The following CEP85L variants were observed in gnomAD, a reference collection of about 807,000 sequenced individuals.
The protein encoded by CEP85L is centrosomal protein 85L, also known as centrosomal protein of 85 kDa-like.
In CEP85L, 60 loss-of-function variants were observed where a neutral mutation model predicts 100.3. The observed-to-expected ratio is 0.60, with a 90% confidence interval of 0.49 to 0.74. The LOEUF (loss-of-function observed/expected upper bound fraction) is 0.74. CEP85L is among the 30% of genes least tolerant of loss of function. The pLI is 0.00. For synonymous variants in CEP85L, 319 were observed against 322.7 expected (o/e 0.99, Z 0.12); for missense variants, 973 against 936.2 (o/e 1.04, Z -0.51).
chr6:118,557,689 A>AT (rs1208944277), intron 3 of CEP85L, among the ~76,000 whole-genome samples: 1 of 152,170 alleles, frequency 6.6e-6, no homozygotes, highest in Non-Finnish European at 1.5e-5. Context: ...CCAAACCAGA[A>AT]TAAGAGGGTT....
chr6:118,694,655 C>T (rs1159883295), intron 1 of CEP85L, among the ~76,000 whole-genome samples: 1 of 152,146 alleles, frequency 6.6e-6, no homozygotes, highest in African/African-American at 2.4e-5. Context: ...AAGCAAGCAG[C>T]ATCACATCAT....
intron 3 of CEP85L, among the ~76,000 whole-genome samples, chr6:118,542,923 A>AAAAAAAAAAAAAAAAAAAAC (rs1554216838): frequency 4.9e-5 from 7 of 143,930 alleles, no homozygotes; most frequent in Non-Finnish European, 1.1e-4. Flanking sequence ...AAAAAAAAAA[A>AAAAAAAAAAAAAAAAAAAAC]CAGGATATTC....
At chr6:118,554,695 G>T (rs1778749471) in intron 3 of CEP85L, among the ~76,000 whole-genome samples, 2 of 152,092 alleles carry the variant, frequency 1.3e-5, no homozygotes, top group Admixed American at 1.3e-4. Flanking sequence ...AACCAGTAGA[G>T]GTGACAACCA....
chr6:118,535,384 A>C (rs1400132124), intron 3 of CEP85L, among the ~76,000 whole-genome samples: 5 of 152,214 alleles, frequency 3.3e-5, no homozygotes, highest in Admixed American at 6.5e-5. Flanking sequence ...AGGACTAACT[A>C]CAAAGGGGCA....
At chr6:118,687,837 C>T (rs546046004) in intron 1 of CEP85L, among the ~76,000 whole-genome samples, 5 of 152,270 alleles carry the variant, frequency 3.3e-5, no homozygotes, top group Non-Finnish European at 7.4e-5. Flanking sequence ...CCTGATCCAG[C>T]GAGGTGCCCA....
At chr6:118,569,400 T>A (rs1235430562) in intron 2 of CEP85L, among the ~76,000 whole-genome samples, 1 of 142,622 alleles carries the variant, frequency 7.0e-6, no homozygotes, top group Non-Finnish European at 1.5e-5. Context: ...TCATGGCACA[T>A]GTATACATAT....
At chr6:118,550,085 G>T (rs1778452827) in intron 3 of CEP85L, among the ~76,000 whole-genome samples, 1 of 151,852 alleles carries the variant, frequency 6.6e-6, no homozygotes, top group African/African-American at 2.4e-5. Context: ...AAATATGAAA[G>T]ATGTTTAAAT....
In CEP85L at chr6:118,467,159, A is replaced by T. The variant is rs201994302; in HGVS notation, c.2255-1591T>A. 2.9e-4 allele frequency among the ~76,000 whole-genome samples: 44 copies of T among 152,266 alleles called. No individual in the cohort carries two copies. In the East Asian group the frequency reaches 5.4e-3, roughly 19 times the overall value. On this transcript the variant is annotated intron_variant, in intron 12 of 12. Coordinates refer to ENST00000368491, the MANE Select transcript of CEP85L (RefSeq NM_001042475.3). ...TGATGCATTTGAAATAGCCAGTTCTAATATACATGGGAATATAATCTGGAG... is the reference window on the plus strand; with the variant it reads ...TGATGCATTTGAAATAGCCAGTTCTTATATACATGGGAATATAATCTGGAG...
rs532316803 is a variant in CEP85L at position 118,506,091 on chromosome 6, T to C, written c.1257+5207A>G. Among the ~76,000 whole-genome samples, 28 of 152,264 alleles carry C rather than the reference T, an allele frequency of 1.8e-4. No homozygotes were observed. In the South Asian group the frequency reaches 4.4e-3, roughly 24 times the overall value. On this transcript the variant is annotated intron_variant, in intron 5 of 12. Transcript: ENST00000368491. ...TAAATTTTTAAAAAGTTAACACAGG[T>C]GCTTCTACTATAATGCAATATAGAC...
intron 1 of CEP85L, among the ~76,000 whole-genome samples, chr6:118,667,953 A>G (rs542975949): frequency 6.6e-6 from 1 of 152,342 alleles, no homozygotes; most frequent in African/African-American, 2.4e-5. Flanking sequence ...GTGCTACATA[A>G]TCTACTATGT....
At chr6:118,674,602 C>G (rs1487465405) in intron 1 of CEP85L, among the ~76,000 whole-genome samples, 1 of 151,142 alleles carries the variant, frequency 6.6e-6, no homozygotes, top group Admixed American at 6.6e-5. Flanking sequence ...GGATTTGTAT[C>G]CAGGACTTTT....
intron 1 of CEP85L, among the ~76,000 whole-genome samples, chr6:118,648,739 C>CAA (rs11442696): frequency 6.1e-4 from 45 of 73,220 alleles, no homozygotes; most frequent in South Asian, 1.9e-3. Flanking sequence ...AAGACTGTCT[C>CAA]AAAAAAAAAA....
At chr6:118,551,826 AG>A (rs1262318142) in intron 3 of CEP85L, among the ~76,000 whole-genome samples, 4 of 152,050 alleles carry the variant, frequency 2.6e-5, no homozygotes, top group African/African-American at 9.6e-5. Context: ...AACTTCAAAT[AG>A]AATGTCCAAG....
chr6:118,504,569 C>T (rs1317876726), intron 5 of CEP85L, among the ~76,000 whole-genome samples: 2 of 152,188 alleles, frequency 1.3e-5, no homozygotes, highest in Non-Finnish European at 2.9e-5. Flanking sequence ...TTCAATCTGG[C>T]TGTTCATCTG....
chr6:118,654,813 TTG>T (rs1775733883), upstream of CEP85L, among the ~76,000 whole-genome samples: 1 of 152,214 alleles, frequency 6.6e-6, no homozygotes, highest in Non-Finnish European at 1.5e-5. Context: ...ATGTTAATCT[TTG>T]TAAAATAGTT....
intron 3 of CEP85L, among the ~76,000 whole-genome samples, chr6:118,545,073 T>C (rs1432645932): frequency 6.6e-6 from 1 of 152,218 alleles, no homozygotes; most frequent in African/African-American, 2.4e-5. Flanking sequence ...TGATGTATTG[T>C]GAACATTACA....
At chr6:118,685,574 TAAAC>T (rs1187932554) in intron 1 of CEP85L, among the ~76,000 whole-genome samples, 6 of 152,146 alleles carry the variant, frequency 3.9e-5, no homozygotes, top group East Asian at 1.9e-4. Flanking sequence ...TTTCATGAAA[TAAAC>T]AACAGTGAGT....
At chr6:118,527,007 T>TC (rs1010695009) in intron 3 of CEP85L, among the ~76,000 whole-genome samples, 7 of 98,436 alleles carry the variant, frequency 7.1e-5, no homozygotes, top group East Asian at 4.5e-4. Flanking sequence ...TTTTTCTTTT[T>TC]TTTTTTTTTT....
In CEP85L at chr6:118,672,490, G is replaced by A. The variant is rs79665792; in HGVS notation, c.-27-19682C>T. On this transcript the variant is annotated intron_variant, in intron 1 of 13. Transcript: ENST00000368488. Reference sequence around the variant, plus strand: ...GAATCTTTAAGATGCCCCATGGCCAGCCATTGTGGCTCACATCTGTAATCC... The same window carrying A: ...GAATCTTTAAGATGCCCCATGGCCAACCATTGTGGCTCACATCTGTAATCC... Among the ~76,000 whole-genome samples the A allele has an allele frequency of 1.3e-3, 192 of 152,270 alleles. 4 individuals carry two copies. The highest frequency in any genetic ancestry group is 0.013 in the East Asian group (65 of 5,184).
Sources: gnomAD v4.1 joint callset for allele counts (sites outside exome capture counted in the v4.1 genomes callset) on GRCh38, gnomAD v4.1.1 for gene constraint, MANE v1.5 for transcripts, NCBI Gene and HGNC (gene_info 2026-07-23, HGNC 2026-07-21) for gene names.